The following FAN1 variants were observed in gnomAD, a reference collection of about 807,000 sequenced individuals.
The protein encoded by FAN1 is FANCD2 and FANCI associated nuclease 1, also known as fanconi-associated nuclease 1.
In FAN1, 91 loss-of-function variants were observed where a neutral mutation model predicts 104.9. That is an observed-to-expected ratio of 0.87 (90% confidence interval 0.73 to 1.03). The LOEUF (loss-of-function observed/expected upper bound fraction) is 1.03, where lower values mean the gene tolerates loss of function less well. Among genes scored for constraint, FAN1 ranks in the 50% least tolerant of loss-of-function variants. The pLI is 0.00. For missense variants in FAN1, 1,263 were observed against 1,239.9 expected (o/e 1.02, Z -0.28); for synonymous variants, 478 against 457.6 (o/e 1.04, Z -0.57).
chr15:30,933,958 C>T (rs2062785414), intron 13 of FAN1, among the ~76,000 whole-genome samples: 1 of 152,064 alleles, frequency 6.6e-6, no homozygotes, highest in Non-Finnish European at 1.5e-5. Flanking sequence ...GATGGGGTTC[C>T]ACCATGTTGC....
chr15:30,919,566 C>T (rs756113536), intron 6 of FAN1, among the ~76,000 whole-genome samples: 11 of 150,962 alleles, frequency 7.3e-5, no homozygotes, highest in East Asian at 2.0e-4. Context: ...TGACGAGTGT[C>T]TGTAATCCCA....
rs2140897465 is a variant in FAN1 at position 30,905,557 on chromosome 15, A to G, written c.894A>G (p.Ala298=). The part of the protein sequence containing the change: ...CIKEVVEKRE[A]CHCEEVKMTV... ...AAGAAGTGGTTGAAAAACGTGAGGC[A>G]TGTCATTGTGAAGAAGTAAAAATGA... The change falls in exon 2 of 15, where the codon GCA becomes GCG. Residue 298 remains alanine (A), a synonymous_variant. Transcript: ENST00000362065. 6.2e-7 allele frequency: 1 copy of G among 1,613,964 alleles called. No individual in the cohort carries two copies. The highest frequency in any genetic ancestry group is 8.5e-7 in the Non-Finnish European group (1 of 1,179,808).
In FAN1 at chr15:30,931,972, C is replaced by T. The variant is rs571204890; in HGVS notation, c.2916+1301C>T. Among the ~76,000 whole-genome samples the T allele has an allele frequency of 5.1e-3, 763 of 149,268 alleles. 6 individuals carry two copies. Among genetic ancestry groups the T allele is most frequent in the African/African-American group, 0.018 (726 of 40,460 alleles). ...GTACGGTGGCTCACACCTGTAATCCCAGCACTTTGGGAGACAGAGGTGGGC... is the reference window on the plus strand; with the variant it reads ...GTACGGTGGCTCACACCTGTAATCCTAGCACTTTGGGAGACAGAGGTGGGC... On this transcript the variant is annotated intron_variant, in intron 13 of 14. Transcript: ENST00000362065.
chr15:30,923,515 A>T (rs1399292528), intron 8 of FAN1, among the ~76,000 whole-genome samples: 4 of 152,148 alleles, frequency 2.6e-5, no homozygotes, highest in Non-Finnish European at 1.5e-5. Context: ...TACTGGCCAT[A>T]GCTCTTGTTA....
chr15:30,932,634 C>T (rs901302373), intron 13 of FAN1, among the ~76,000 whole-genome samples: 2 of 151,862 alleles, frequency 1.3e-5, no homozygotes, highest in Non-Finnish European at 2.9e-5. Context: ...TTCTTGATTG[C>T]GCTTTGCTAG....
rs1395010305 is a variant in FAN1, at chr15:30,918,427, GTGCGTGCTTTGCCTA to G, written c.1943+133_1943+147del. ...TAAACCAGCTGTGGAATTGAATTTT[GTGCGTGCTTTGCCTA>G]GAATGAAAGTGCTGTGTGAAATAGA... On this transcript the variant is annotated intron_variant, in intron 6 of 14. Transcript: ENST00000362065. 7.8e-4 allele frequency: 702 copies of G among 896,086 alleles called. 5 individuals are homozygous for G. The East Asian group carries it at 0.01, about 13-fold the overall frequency. The allele number at this position is 896,086 out of a possible 1,614,324, so 55.5% of individuals were successfully genotyped here.
intron 12 of FAN1, among the ~76,000 whole-genome samples, chr15:30,929,736 ATAT>A (rs1218160344): frequency 6.3e-5 from 2 of 31,588 alleles, no homozygotes; most frequent in Admixed American, 5.3e-4. Flanking sequence ...AATATATAAT[ATAT>A]TATATCATAT....
intron 4 of FAN1, 71 bp downstream of exon 4, chr15:30,910,886 T>C: frequency 1.3e-6 from 2 of 1,514,532 alleles, no homozygotes; most frequent in Non-Finnish European, 1.8e-6. Context: ...CAGTAGATTG[T>C]ATACTTGATT....
chr15:30,914,158 A>G, intron 5 of FAN1, 67 bp downstream of exon 5: 6 of 1,228,144 alleles, frequency 4.9e-6, no homozygotes, highest in Non-Finnish European at 5.8e-6. Context: ...AGGTTTTGTT[A>G]TTTTTTTCCA....
At chr15:30,907,914 A>G (rs1453833533) in intron 2 of FAN1, among the ~76,000 whole-genome samples, 1 of 152,232 alleles carries the variant, frequency 6.6e-6, no homozygotes, top group African/African-American at 2.4e-5. Flanking sequence ...TGTCTAGAAA[A>G]TGGGGAACTT....
At chr15:30,926,029 C>T (rs1278342333) in intron 10 of FAN1, 90 bp downstream of exon 10, 1 of 1,274,128 alleles carries the variant, frequency 7.8e-7, no homozygotes, top group African/African-American at 1.5e-5. Context: ...CTGCTGTCCT[C>T]TCTCTGTCCT....
chr15:30,914,602 G>A (rs2062164213), intron 5 of FAN1, among the ~76,000 whole-genome samples: 2 of 152,124 alleles, frequency 1.3e-5, no homozygotes, highest in Admixed American at 6.5e-5. Flanking sequence ...CCGGACTCAA[G>A]CAATCCGCCC....
intron 4 of FAN1, among the ~76,000 whole-genome samples, chr15:30,913,381 G>A (rs966828845): frequency 6.6e-6 from 1 of 152,154 alleles, no homozygotes; most frequent in Non-Finnish European, 1.5e-5. Flanking sequence ...TGACTGCTGC[G>A]CTAGAGAACA....
At chr15:30,908,357 G>A (rs920983726) in intron 3 of FAN1, 99 bp downstream of exon 3, 6 of 1,002,622 alleles carry the variant, frequency 6.0e-6, no homozygotes, top group Non-Finnish European at 8.4e-6. Context: ...TCCCCGGGGT[G>A]GTGCCTGGTA....
chr15:30,906,384 G>A (rs1256138399), intron 2 of FAN1: 1 of 456,912 alleles, frequency 2.2e-6, no homozygotes, highest in Non-Finnish European at 4.4e-6. Flanking sequence ...TATGGACTGT[G>A]CCTTTTAAAG....
intron 4 of FAN1, chr15:30,911,679 C>T: frequency 2.2e-6 from 2 of 893,062 alleles, no homozygotes; most frequent in Middle Eastern, 5.8e-4. Context: ...TGTTAAATGT[C>T]TTCTAAGTCC....
In FAN1 at chr15:30,926,865, C is replaced by T. The variant is rs1017230314; in HGVS notation, c.2488+926C>T. 7.5e-5 allele frequency: 74 copies of T among 985,202 alleles called. No individual in the cohort carries two copies. The Admixed American group carries it at 9.2e-4, about 12-fold the overall frequency. 61.0% of individuals were successfully genotyped at this position (985,202 alleles called of 1,614,324 possible). On this transcript the variant is annotated intron_variant, in intron 10 of 14. Transcript: ENST00000362065. Reference sequence around the variant, plus strand: ...ATTTTTCCCTGATTAAAATCGATGCCGTGAAACTGGGCTGAACTCTGGCTG... The same window carrying T: ...ATTTTTCCCTGATTAAAATCGATGCTGTGAAACTGGGCTGAACTCTGGCTG...
In FAN1 at chr15:30,942,764, C is replaced by G. The variant is rs1289717259; in HGVS notation, c.*1202C>G. On this transcript the variant is annotated 3_prime_UTR_variant, in exon 15 of 15. Coordinates refer to ENST00000362065, the MANE Select transcript of FAN1 (RefSeq NM_014967.5). ...GTCATTTGAGTTAAAAAGGGAATGA[C>G]CCCTCAGAAACCCGCATTAGCAGTG... 4.2e-6 allele frequency: 4 copies of G among 962,360 alleles called. No homozygotes were observed. Among genetic ancestry groups the G allele is most frequent in the Non-Finnish European group, 5.9e-6 (4 of 673,948 alleles). The allele number at this position is 962,360 out of a possible 1,614,324, so 59.6% of individuals were successfully genotyped here.
chr15:30,940,002 AAAAG>A (rs1392725390), intron 14 of FAN1: 38 of 976,722 alleles, frequency 3.9e-5, no homozygotes, highest in Non-Finnish European at 4.3e-5. Flanking sequence ...AAATAATTCA[AAAAG>A]AAACAGCTAT....
Sources: gnomAD v4.1 joint callset for allele counts (sites outside exome capture counted in the v4.1 genomes callset) on GRCh38, gnomAD v4.1.1 for gene constraint, MANE v1.5 for transcripts, NCBI Gene and HGNC (gene_info 2026-07-23, HGNC 2026-07-21) for gene names.